BMP10: variants seen among roughly 807,000 people sequenced by gnomAD.
BMP10 encodes the protein bone morphogenetic protein 10.
BMP10 carries 9 observed loss-of-function variants against 29.9 expected under a neutral mutation model. The ratio of observed to expected loss-of-function variants is 0.30; its 90% CI spans 0.18 to 0.53. The LOEUF (loss-of-function observed/expected upper bound fraction) is 0.53, where lower values mean the gene tolerates loss of function less well. Among genes scored for constraint, BMP10 ranks in the 20% least tolerant of loss-of-function variants. The pLI is 0.96. For synonymous variants in BMP10, 202 were observed against 200.2 expected (o/e 1.01, Z -0.07); for missense variants, 474 against 524.3 (o/e 0.90, Z 0.94).
At position 68,865,792 on chromosome 2, in the gene BMP10, T is replaced by A; in HGVS notation, c.1114A>T (p.Ile372Phe). The A allele has an allele frequency of 6.2e-7, 1 of 1,614,110 alleles. No homozygotes were observed. Among genetic ancestry groups the A allele is most frequent in the Non-Finnish European group, 8.5e-7 (1 of 1,179,990 alleles). Reference sequence around the variant, plus strand: ...TTCTTGAGGTGGACCAAGGCCTGGATAATTGCATGCTTTGTGGGTGTGAGA... The same window carrying A: ...TTCTTGAGGTGGACCAAGGCCTGGAAAATTGCATGCTTTGTGGGTGTGAGA... ...EHLTPTKHAI[I>F]QALVHLKNSQ... The change falls in exon 2 of 2, where the codon ATC (isoleucine) becomes TTC (phenylalanine). Residue 372 changes from isoleucine to phenylalanine, a missense_variant. Around this residue, in one of 2 missense-constraint regions of BMP10, gnomAD observed 66 missense variants for 109.0 expected, o/e 0.61. Coordinates refer to ENST00000295379, the MANE Select transcript of BMP10 (RefSeq NM_014482.3). The surrounding 1 kb of genome is among the most constrained non-coding windows in gnomAD (Gnocchi z 4.7).
At position 68,863,903 on chromosome 2, in the gene BMP10, G is replaced by A. The variant is rs966393846; in HGVS notation, c.*1728C>T. Among the ~76,000 whole-genome samples, 1 of 152,146 alleles carries A rather than the reference G, an allele frequency of 6.6e-6. No homozygotes were observed. Among genetic ancestry groups the A allele is most frequent in the Non-Finnish European group, 1.5e-5 (1 of 68,012 alleles). ...TGAGTAGGGGTGAATGGGGGATGAC[G>A]TACTGGAAACCACATTCCTGGTTCT... is the stretch of plus-strand genomic sequence containing the variant. On this transcript the variant is annotated 3_prime_UTR_variant, in exon 2 of 2. Transcript: ENST00000295379.
At chr2:68,870,865 T>C (rs1038854011) in intron 1 of BMP10, among the ~76,000 whole-genome samples, 160 bp downstream of exon 1, 1 of 152,232 alleles carries the variant, frequency 6.6e-6, no homozygotes, top group Non-Finnish European at 1.5e-5. Flanking sequence ...GACTATATAA[T>C]TGGTATAGAA....
rs2103799649 is a variant in BMP10 at position 68,861,711 on chromosome 2, G to T, written c.*3920C>A. On this transcript the variant is annotated 3_prime_UTR_variant, in exon 2 of 2. Coordinates refer to ENST00000295379, the MANE Select transcript of BMP10 (RefSeq NM_014482.3). ...AATCTGTTGATGAATCAAGTAAGAA[G>T]AATACATAAAATTCTCTTATATGAA... Among the ~76,000 whole-genome samples the T allele has an allele frequency of 6.6e-6, 1 of 151,988 alleles. No homozygotes were observed. Among genetic ancestry groups the T allele is most frequent in the Middle Eastern group, 3.4e-3 (1 of 294 alleles).
chr2:68,871,315 G>A lies in BMP10; in HGVS notation c.44C>T (p.Ala15Val). ...VLTLCALFCL[A>V]AYLVSGSPIM... Reference sequence around the variant, plus strand: ...GGGGCTGCCAGAAACCAAGTAAGCTGCCAGGCAGAAAAGAGCGCACAGTGT... The same window carrying A: ...GGGGCTGCCAGAAACCAAGTAAGCTACCAGGCAGAAAAGAGCGCACAGTGT... Residue 15 changes from alanine (A) to valine (V), a missense_variant, in exon 1 of 2, where the codon GCA becomes GTA. Coordinates refer to ENST00000295379, the MANE Select transcript of BMP10 (RefSeq NM_014482.3). 6.2e-7 allele frequency: 1 copy of A among 1,614,126 alleles called. No individual in the cohort carries two copies. Among genetic ancestry groups the A allele is most frequent in the Non-Finnish European group, 8.5e-7 (1 of 1,179,998 alleles).
chr2:68,870,873 G>T, intron 1 of BMP10, 152 bp downstream of exon 1: 1 of 685,164 alleles, frequency 1.5e-6, no homozygotes, highest in Non-Finnish European at 2.4e-6. Context: ...AATTGGTATA[G>T]AACAAAATGT....
Position 68,869,940 on chromosome 2 carries a change from C to A in BMP10, c.334+1085G>T, listed in dbSNP as rs527953185. On this transcript the variant is annotated intron_variant, in intron 1 of 1. Transcript: ENST00000295379. ...CTGTAACCTCCTTTGAGTCACTCAA[C>A]TATGTTATGTAGGTATTATTACTCC... 2.2e-4 allele frequency among the ~76,000 whole-genome samples: 34 copies of A among 152,224 alleles called. No homozygotes were observed. In the South Asian group the frequency reaches 6.8e-3, roughly 31 times the overall value.
chr2:68,862,063 A>T lies in BMP10; in HGVS notation c.*3568T>A, dbSNP rs1682868107. Among the ~76,000 whole-genome samples the T allele has an allele frequency of 6.6e-6, 1 of 152,238 alleles. No individual in the cohort carries two copies. On this transcript the variant is annotated 3_prime_UTR_variant, in exon 2 of 2. Transcript: ENST00000295379. ...TAAATAGCATCTCCGTTTACTGAGT[A>T]GCAATCACATTCTCTCACAGCCTGA... is the stretch of plus-strand genomic sequence containing the variant.
chr2:68,871,353 G>A lies in BMP10; in HGVS notation c.6C>T (p.Gly2=). 6.2e-7 allele frequency: 1 copy of A among 1,612,778 alleles called. No individual in the cohort carries two copies. The highest frequency in any genetic ancestry group is 8.5e-7 in the Non-Finnish European group (1 of 1,179,134). The change falls in exon 1 of 2, where the codon GGC becomes GGT. Residue 2 remains glycine (G), a synonymous_variant. Coordinates refer to ENST00000295379, the MANE Select transcript of BMP10 (RefSeq NM_014482.3). ...GAGCGCACAGTGTCAGGACCAGAGA[G>A]CCCATGACTCCGCTCGAGCTCCTAG... M[G]SLVLTLCALF... is the part of the protein sequence containing the mutation.
intron 1 of BMP10, among the ~76,000 whole-genome samples, chr2:68,869,707 C>G (rs9807988): frequency 0.74 from 112,718 of 152,090 alleles, 42,400 homozygotes; most frequent in East Asian, 0.87. Context: ...CCTCCAAAAG[C>G]AATCTGTAAT....
chr2:68,870,737 T>C (rs2103812464), intron 1 of BMP10, among the ~76,000 whole-genome samples: 1 of 152,348 alleles, frequency 6.6e-6, no homozygotes, highest in South Asian at 2.1e-4. Flanking sequence ...ATTCTTTGTA[T>C]TACTTGGTGT....
intron 1 of BMP10, among the ~76,000 whole-genome samples, chr2:68,870,687 A>T (rs963738687): frequency 1.3e-5 from 2 of 152,244 alleles, no homozygotes; most frequent in African/African-American, 4.8e-5. Flanking sequence ...ATCAAGGCCT[A>T]TTTGGAAAAT....
rs563002178 is a variant in BMP10, at chr2:68,864,029, G to T, written c.*1602C>A. 3.9e-5 allele frequency among the ~76,000 whole-genome samples: 6 copies of T among 152,244 alleles called. No homozygotes were observed. Among genetic ancestry groups the T allele is most frequent in the African/African-American group, 1.2e-4 (5 of 41,552 alleles). ...CCTGCACAAAGCCCAGAATATGCTT[G>T]CCAGGTAGAGGGAAATGGTTAGGGG... On this transcript the variant is annotated 3_prime_UTR_variant, in exon 2 of 2. Coordinates refer to ENST00000295379, the MANE Select transcript of BMP10 (RefSeq NM_014482.3).
chr2:68,868,051 T>C (rs1004981692), intron 1 of BMP10, among the ~76,000 whole-genome samples: 5 of 152,220 alleles, frequency 3.3e-5, no homozygotes, highest in Admixed American at 1.3e-4. Context: ...CTCCCTGGCA[T>C]GGCTCTCAAG....
intron 1 of BMP10, among the ~76,000 whole-genome samples, chr2:68,867,528 C>T (rs1278580775): frequency 6.6e-6 from 1 of 152,154 alleles, no homozygotes; most frequent in African/African-American, 2.4e-5. Context: ...CTGTAAAAGT[C>T]CTTTAGTCTT....
At position 68,865,054 on chromosome 2, in the gene BMP10, A is replaced by G. The variant is rs1682925883; in HGVS notation, c.*577T>C. Among the ~76,000 whole-genome samples the G allele has an allele frequency of 6.6e-6, 1 of 152,112 alleles. No individual in the cohort carries two copies. The highest frequency in any genetic ancestry group is 2.4e-5 in the African/African-American group (1 of 41,404). ...GTCCATTTGGTTTCTGTATCAATTA[A>G]CCCTTCCCTTCAAGCATCCTTTGCC... On this transcript the variant is annotated 3_prime_UTR_variant, in exon 2 of 2. Coordinates refer to ENST00000295379, the MANE Select transcript of BMP10 (RefSeq NM_014482.3). This position sits in a 1 kb window ranked among gnomAD's most constrained non-coding sequence, Gnocchi z 4.7.
At chr2:68,870,035 C>T (rs1001347512) in intron 1 of BMP10, among the ~76,000 whole-genome samples, 1 of 152,184 alleles carries the variant, frequency 6.6e-6, no homozygotes, top group African/African-American at 2.4e-5. Flanking sequence ...AGCCAACTAG[C>T]TCTCAAAATC....
chr2:68,869,787 G>A (rs367779298), intron 1 of BMP10, among the ~76,000 whole-genome samples: 11 of 152,236 alleles, frequency 7.2e-5, no homozygotes, highest in Admixed American at 2.0e-4. Context: ...AATTTTAAAG[G>A]GAGATAATAT....
rs769205782 is a variant in BMP10, at chr2:68,866,321, G to C, written c.585C>G (p.Asn195Lys). Residue 195 changes from asparagine (N) to lysine (K), a missense_variant, in exon 2 of 2, where the codon AAC (asparagine) becomes AAG (lysine). Asn to Lys is a moderately conservative substitution (Grantham distance 94). Transcript: ENST00000295379. Reference protein sequence around the residue: ...VLVSGEIYGTNSEWETFDVTD... With the variant: ...VLVSGEIYGTKSEWETFDVTD... The stretch of plus-strand genomic sequence containing the variant: ...TGACATCAAAAGTCTCCCACTCACT[G>C]TTGGTTCCATATATCTCCCCAGACA... 1.9e-6 allele frequency: 3 copies of C among 1,613,978 alleles called. No individual in the cohort carries two copies. The highest frequency in any genetic ancestry group is 2.2e-5 in the South Asian group (2 of 91,074).
chr2:68,870,325 C>T (rs1683044227), intron 1 of BMP10, among the ~76,000 whole-genome samples: 1 of 152,028 alleles, frequency 6.6e-6, no homozygotes, highest in Non-Finnish European at 1.5e-5. Context: ...AATTTAAAGA[C>T]CTAAGAGAAG....
Sources: allele counts gnomAD v4.1 joint callset (sites outside exome capture counted in the v4.1 genomes callset), GRCh38; gene constraint gnomAD v4.1.1; regional missense constraint gnomAD v4.1.1; non-coding constraint Gnocchi (gnomAD v3.1); transcripts MANE v1.5; gene names NCBI Gene and HGNC (gene_info 2026-07-23, HGNC 2026-07-21).